Variants in FHOD3 observed in about 807,000 individuals in gnomAD.
FHOD3 encodes the protein formin homology 2 domain containing 3.
FHOD3 carries 90 observed loss-of-function variants against 173.0 expected under a neutral mutation model. That is an observed-to-expected ratio of 0.52 (90% CI 0.44 to 0.62). The LOEUF (loss-of-function observed/expected upper bound fraction) is 0.62, where lower values mean the gene tolerates loss of function less well. Among genes scored for constraint, FHOD3 ranks in the 20% least tolerant of loss-of-function variants. FHOD3 has a pLI of 0.00. For synonymous variants in FHOD3, 828 were observed against 823.0 expected (o/e 1.01, Z -0.10); for missense variants, 1,945 against 2,034.7 (o/e 0.96, Z 0.85).
chr18:36,543,415 A>C (rs1415735546), intron 5 of FHOD3, among the ~76,000 whole-genome samples: 1 of 152,178 alleles, frequency 6.6e-6, no homozygotes, highest in African/African-American at 2.4e-5. Context: ...TTGGTCAAGA[A>C]ATTTAATTGC....
At chr18:36,760,204 A>G (rs1184322908) in intron 26 of FHOD3, among the ~76,000 whole-genome samples, 1 of 152,220 alleles carries the variant, frequency 6.6e-6, no homozygotes, top group Non-Finnish European at 1.5e-5. Context: ...ACTAAGTAAA[A>G]AAATAAAGCT....
chr18:36,467,724 A>G (rs2053027735), intron 3 of FHOD3, among the ~76,000 whole-genome samples: 1 of 152,234 alleles, frequency 6.6e-6, no homozygotes, highest in African/African-American at 2.4e-5. Context: ...TGCTTGGCAC[A>G]CACACGGCAT....
At chr18:36,667,755 A>C (rs2037276689) in intron 14 of FHOD3, among the ~76,000 whole-genome samples, 1 of 152,170 alleles carries the variant, frequency 6.6e-6, no homozygotes, top group African/African-American at 2.4e-5. Context: ...TAGACTTTAT[A>C]AACACTGTGT....
intron 7 of FHOD3, among the ~76,000 whole-genome samples, chr18:36,601,147 A>G (rs888942815): frequency 6.6e-6 from 1 of 152,178 alleles, no homozygotes; most frequent in Non-Finnish European, 1.5e-5. Flanking sequence ...CAGCAAGGAG[A>G]TAATTCAGTA....
At chr18:36,512,110 C>G (rs1568367279) in intron 4 of FHOD3, among the ~76,000 whole-genome samples, 1 of 152,260 alleles carries the variant, frequency 6.6e-6, no homozygotes, top group Non-Finnish European at 1.5e-5. Flanking sequence ...TGGCCAGTCC[C>G]TTGGGACCGT....
intron 7 of FHOD3, among the ~76,000 whole-genome samples, chr18:36,602,281 A>G (rs1300404934): frequency 6.6e-6 from 1 of 152,212 alleles, no homozygotes; most frequent in Non-Finnish European, 1.5e-5. Flanking sequence ...AAGATCTTCC[A>G]CATCCCCTTT....
chr18:36,539,370 A>G (rs2057117173), intron 5 of FHOD3, among the ~76,000 whole-genome samples: 2 of 152,256 alleles, frequency 1.3e-5, no homozygotes, highest in Admixed American at 6.5e-5. Context: ...ATTCACGTGT[A>G]TAGAAGACAT....
intron 3 of FHOD3, among the ~76,000 whole-genome samples, chr18:36,411,753 C>T (rs143089649): frequency 1.3e-5 from 2 of 152,324 alleles, no homozygotes; most frequent in South Asian, 4.1e-4. Context: ...GGGTGAAGAA[C>T]CAAGATTCTG....
At chr18:36,503,634 T>G (rs1568357208) in intron 4 of FHOD3, among the ~76,000 whole-genome samples, 1 of 152,190 alleles carries the variant, frequency 6.6e-6, no homozygotes, top group African/African-American at 2.4e-5. Flanking sequence ...GGTTTAGAGG[T>G]CTGCCTTGGT....
At chr18:36,718,966 T>C (rs546886446) in intron 19 of FHOD3, among the ~76,000 whole-genome samples, 2 of 152,288 alleles carry the variant, frequency 1.3e-5, no homozygotes, top group African/African-American at 4.8e-5. Flanking sequence ...AAGAACCAGA[T>C]AGCCCTGAGG....
intron 16 of FHOD3, among the ~76,000 whole-genome samples, chr18:36,689,679 C>T (rs2038839718): frequency 6.6e-6 from 1 of 151,956 alleles, no homozygotes; most frequent in South Asian, 2.1e-4. Flanking sequence ...ATGAGCCAGG[C>T]TGGGGGTGTG....
intron 17 of FHOD3, among the ~76,000 whole-genome samples, chr18:36,702,839 C>T (rs555953316): frequency 3.5e-4 from 53 of 151,520 alleles, no homozygotes; most frequent in Admixed American, 2.2e-3. Context: ...TGCACGTGTG[C>T]GTACACGCTT....
At chr18:36,412,970 A>C (rs1054704289) in intron 3 of FHOD3, among the ~76,000 whole-genome samples, 2 of 152,218 alleles carry the variant, frequency 1.3e-5, no homozygotes, top group African/African-American at 4.8e-5. Context: ...GCCACTGCCC[A>C]CTGGTGGGCA....
chr18:36,473,194 A>C (rs902993545), intron 3 of FHOD3, among the ~76,000 whole-genome samples: 20 of 152,188 alleles, frequency 1.3e-4, no homozygotes, highest in Admixed American at 1.1e-3. Context: ...GCTGGCAGTC[A>C]CCTGAGGTCA....
At chr18:36,345,719 A>T (rs1434101836) in intron 1 of FHOD3, among the ~76,000 whole-genome samples, 1 of 152,234 alleles carries the variant, frequency 6.6e-6, no homozygotes, top group African/African-American at 2.4e-5. Context: ...AGGAAAAAAC[A>T]TGCCAAACAC....
chr18:36,466,852 C>T (rs975708982), intron 3 of FHOD3, among the ~76,000 whole-genome samples: 2 of 127,342 alleles, frequency 1.6e-5, no homozygotes, highest in African/African-American at 3.2e-5. Flanking sequence ...GGGAACCAAA[C>T]GTTTTGTGAT....
intron 14 of FHOD3, among the ~76,000 whole-genome samples, chr18:36,669,323 T>C (rs188880579): frequency 2.6e-5 from 4 of 152,048 alleles, no homozygotes; most frequent in Non-Finnish European, 5.9e-5. Flanking sequence ...TATTTGAACA[T>C]AAATTAGGTT....
chr18:36,418,586 T>C (rs1311843516), intron 3 of FHOD3, among the ~76,000 whole-genome samples: 1 of 152,120 alleles, frequency 6.6e-6, no homozygotes, highest in African/African-American at 2.4e-5. Context: ...CAGTTTTTCT[T>C]ATAGGTCACA....
chr18:36,661,127 A>T (rs2149220779), intron 14 of FHOD3, among the ~76,000 whole-genome samples: 1 of 152,248 alleles, frequency 6.6e-6, no homozygotes, highest in Non-Finnish European at 1.5e-5. Context: ...TGGGGGAAAA[A>T]AAAAAAGAAA....
Sources: gnomAD v4.1 joint callset for allele counts (sites outside exome capture counted in the v4.1 genomes callset) on GRCh38, gnomAD v4.1.1 for gene constraint, MANE v1.5 for transcripts, NCBI Gene and HGNC (gene_info 2026-07-23, HGNC 2026-07-21) for gene names.